Variants in KLRG1 observed in about 807,000 individuals in gnomAD.
KLRG1 encodes killer cell lectin-like receptor subfamily G member 1.
Under a neutral mutation model 21.8 loss-of-function variants are expected in KLRG1, and 16 were observed. The ratio of observed to expected loss-of-function variants is 0.73; its 90% CI spans 0.50 to 1.11. The LOEUF (loss-of-function observed/expected upper bound fraction) is 1.11. Ranked by LOEUF, KLRG1 falls within the 50% of genes most tolerant of loss-of-function variation. The pLI, the probability that KLRG1 is intolerant of heterozygous loss-of-function variation, is 0.00. For missense variants in KLRG1, 173 were observed against 218.3 expected (o/e 0.79, Z 1.31); for synonymous variants, 69 against 75.9 (o/e 0.91, Z 0.47).
the KLRG1 span, among the ~76,000 whole-genome samples, chr12:9,063,792 C>T: frequency 1.1e-4 from 17 of 152,072 alleles, no homozygotes; most frequent in African/African-American, 4.1e-4. Flanking sequence ...GGGAGGAATC[C>T]TATTTTGTTT....
chr12:9,181,143 T>C, the KLRG1 span: 3 of 1,613,994 alleles, frequency 1.9e-6, no homozygotes, highest in Non-Finnish European at 2.5e-6. Flanking sequence ...CTGTGGGAAA[T>C]GAAGGAAACG....
At chr12:9,000,954 T>C (rs1947289562) in intron 3 of KLRG1, among the ~76,000 whole-genome samples, 1 of 152,210 alleles carries the variant, frequency 6.6e-6, no homozygotes, top group Non-Finnish European at 1.5e-5. Flanking sequence ...AAATTCTTAT[T>C]GATATTAAGC....
At chr12:9,208,409 G>A in the KLRG1 span, 2 of 1,302,890 alleles carry the variant, frequency 1.5e-6, no homozygotes, top group East Asian at 2.4e-5. Flanking sequence ...GACCAGCTGA[G>A]TTTACCAGGC....
At chr12:9,192,380 C>G in the KLRG1 span, 1 of 1,285,308 alleles carries the variant, frequency 7.8e-7, no homozygotes, top group Non-Finnish European at 1.1e-6. Flanking sequence ...CAAGAAAACT[C>G]ATGGAATGAA....
chr12:9,044,396 G>A, the KLRG1 span, among the ~76,000 whole-genome samples: 1 of 152,160 alleles, frequency 6.6e-6, no homozygotes, highest in Non-Finnish European at 1.5e-5. Context: ...TTGGCGTGGT[G>A]GCTCACACCT....
the KLRG1 span, among the ~76,000 whole-genome samples, chr12:9,209,344 C>G: frequency 6.6e-6 from 1 of 152,068 alleles, no homozygotes; most frequent in Non-Finnish European, 1.5e-5. Flanking sequence ...AAAGTGGATT[C>G]CTTCCTATTA....
At chr12:9,208,153 G>T in the KLRG1 span, 2 of 759,404 alleles carry the variant, frequency 2.6e-6, no homozygotes, top group Non-Finnish European at 4.7e-6. Context: ...TATTTGGAAG[G>T]TATTGTAATG....
chr12:9,073,351 C>T, the KLRG1 span, among the ~76,000 whole-genome samples: 1 of 152,160 alleles, frequency 6.6e-6, no homozygotes, highest in Non-Finnish European at 1.5e-5. Context: ...GCTTCAGTTT[C>T]TCCAAAAGAA....
chr12:8,990,271 CTGTGACTG>C (rs1386039066), intron 1 of KLRG1: 1 of 151,650 alleles, frequency 6.6e-6, no homozygotes, highest in East Asian at 1.9e-4. Context: ...ATAATAGTCT[CTGTGACTG>C]AGGATTTGAA....
chr12:9,001,635 C>T (rs192457387), intron 3 of KLRG1, among the ~76,000 whole-genome samples: 28 of 152,312 alleles, frequency 1.8e-4, no homozygotes, highest in Non-Finnish European at 3.2e-4. Flanking sequence ...GGCTGTCCAT[C>T]GTGAGTGTTG....
At chr12:9,044,223 A>AC in the KLRG1 span, among the ~76,000 whole-genome samples, 1 of 152,260 alleles carries the variant, frequency 6.6e-6, no homozygotes, top group African/African-American at 2.4e-5. Context: ...TTGATGAAAT[A>AC]GAAAAAAAGA....
chr12:9,167,410 C>G, the KLRG1 span: 2 of 152,306 alleles, frequency 1.3e-5, no homozygotes, highest in South Asian at 4.1e-4. Context: ...ACCCTGGTGG[C>G]ATGGGCTCAC....
At chr12:9,095,742 C>CTTTTTTTTTTTTTTTTTTTT in the KLRG1 span, 2 of 276,800 alleles carry the variant, frequency 7.2e-6, no homozygotes, top group Non-Finnish European at 5.5e-6. Context: ...TTATTTGTGA[C>CTTTTTTTTTTTTTTTTTTTT]TTTTTTTTTT....
exon 1 of KLRG1, chr12:8,950,176 G>A (rs1946172180): frequency 6.6e-6 from 1 of 152,232 alleles, no homozygotes; most frequent in African/African-American, 2.4e-5. Flanking sequence ...TGCAGCGACG[G>A]GGCCGTGATG....
At position 8,992,280 on chromosome 12, in the gene KLRG1, GT is replaced by G; in HGVS notation, c.158del (p.Val53GlyfsTer28). On this transcript the variant is annotated frameshift_variant, in exon 2 of 5. Coordinates refer to ENST00000356986, the MANE Select transcript of KLRG1 (RefSeq NM_005810.4). LOFTEE classifies it high-confidence loss of function. ...GCTTCTGACTGCAGTTCTTCTGAGT[GT>G]GCTGCTATACCAGTGGATCCTGTGC... ...LGLLTAVLLS[V>X]LLYQWILCQG... 1 of 1,613,786 alleles carries G rather than the reference GT, an allele frequency of 6.2e-7. No individual in the cohort carries two copies. Among genetic ancestry groups the G allele is most frequent in the Non-Finnish European group, 8.5e-7 (1 of 1,179,824 alleles).
chr12:9,079,868 A>C, the KLRG1 span: 1 of 1,437,678 alleles, frequency 7.0e-7, no homozygotes, highest in Non-Finnish European at 9.2e-7. Context: ...ATCATCTATC[A>C]AAGTCATTAA....
intron 1 of KLRG1, among the ~76,000 whole-genome samples, chr12:8,955,492 A>T (rs1946276703): frequency 7.1e-6 from 1 of 139,888 alleles, no homozygotes; most frequent in Admixed American, 7.6e-5. Context: ...CCAGGCTCAA[A>T]TGATCCTCCC....
chr12:9,191,403 A>C, the KLRG1 span, among the ~76,000 whole-genome samples: 1 of 152,086 alleles, frequency 6.6e-6, no homozygotes, highest in Non-Finnish European at 1.5e-5. Flanking sequence ...TGTTTAATTA[A>C]AATAATTATT....
chr12:9,045,168 A>G, the KLRG1 span, among the ~76,000 whole-genome samples: 4 of 152,188 alleles, frequency 2.6e-5, no homozygotes, highest in East Asian at 7.7e-4. Context: ...AAAATCAACA[A>G]CTTTTCTTAG....
Sources: gnomAD v4.1 joint callset for allele counts (sites outside exome capture counted in the v4.1 genomes callset) on GRCh38, gnomAD v4.1.1 for gene constraint, MANE v1.5 for transcripts, NCBI Gene and HGNC (gene_info 2026-07-23, HGNC 2026-07-21) for gene names.